Variants in COPS8 observed in about 807,000 individuals in gnomAD.
The protein encoded by COPS8 is COP9 signalosome complex subunit 8.
In COPS8, 11 loss-of-function variants were observed where a neutral mutation model predicts 31.5. That is an observed-to-expected ratio of 0.35 (90% CI 0.22 to 0.58). The LOEUF (loss-of-function observed/expected upper bound fraction) is 0.58. COPS8 is among the 20% of genes least tolerant of loss of function. The pLI, the probability that COPS8 is intolerant of heterozygous loss-of-function variation, is 0.83. For synonymous variants in COPS8, 81 were observed against 89.3 expected (o/e 0.91, Z 0.52); for missense variants, 215 against 255.1 (o/e 0.84, Z 1.07).
intron 5 of COPS8, among the ~76,000 whole-genome samples, chr2:237,094,825 G>T (rs2106346709): frequency 6.6e-6 from 1 of 152,220 alleles, no homozygotes; most frequent in Non-Finnish European, 1.5e-5. Context: ...AATTAGCCAG[G>T]TGTGGTGGCA....
chr2:237,086,755 T>G (rs1696623715), intron 1 of COPS8: 1 of 981,796 alleles, frequency 1.0e-6, no homozygotes, highest in Admixed American at 5.8e-5. Context: ...ATGGGCAGAA[T>G]CAGAATGCTT....
At position 237,092,531 on chromosome 2, in the gene COPS8, T is replaced by C. The variant is rs149957382; in HGVS notation, c.332-1559T>C. ...ACCAAATGAATATAGTTTTATGGTG[T>C]ATACTTTTACTTCTCTAAAAAAAAA... On this transcript the variant is annotated intron_variant, in intron 4 of 7. Coordinates refer to ENST00000354371, the MANE Select transcript of COPS8 (RefSeq NM_006710.5). Among the ~76,000 whole-genome samples, 479 of 152,208 alleles carry C rather than the reference T, an allele frequency of 3.1e-3. 4 individuals are homozygous for C. The highest frequency in any genetic ancestry group is 0.011 in the African/African-American group (462 of 41,480).
chr2:237,087,958 A>C (rs1368147187), intron 2 of COPS8, among the ~76,000 whole-genome samples: 3 of 152,036 alleles, frequency 2.0e-5, no homozygotes, highest in African/African-American at 7.2e-5. Context: ...ACTGCAAAAA[A>C]AAAAAAAAAA....
rs1370796413 is a variant in COPS8 at position 237,097,805 on chromosome 2, A to T, written c.*63A>T. ...TGTATACTGACAAACGTAGAAATGT[A>T]AAGTTTGTATTTTCAATTTATTGGA... On this transcript the variant is annotated 3_prime_UTR_variant, in exon 8 of 8. Coordinates refer to ENST00000354371, the MANE Select transcript of COPS8 (RefSeq NM_006710.5). 4.0e-6 allele frequency: 5 copies of T among 1,257,144 alleles called. No homozygotes were observed. The highest frequency in any genetic ancestry group is 5.8e-6 in the Non-Finnish European group (5 of 868,418). The allele number at this position is 1,257,144 out of a possible 1,614,324, so 77.9% of individuals were successfully genotyped here.
At chr2:237,090,123 A>G in intron 4 of COPS8, 129 bp downstream of exon 4, 1 of 838,428 alleles carries the variant, frequency 1.2e-6, no homozygotes, top group Non-Finnish European at 1.7e-6. Context: ...AGCAGTTTTC[A>G]GAATTTTTTA....
intron 3 of COPS8, among the ~76,000 whole-genome samples, chr2:237,089,347 C>T (rs1696669378): frequency 6.6e-6 from 1 of 151,936 alleles, no homozygotes; most frequent in Non-Finnish European, 1.5e-5. Flanking sequence ...TATTCCTCAG[C>T]TTCTTTGGCT....
intron 4 of COPS8, among the ~76,000 whole-genome samples, chr2:237,090,984 C>T (rs1409557475): frequency 1.3e-5 from 2 of 152,126 alleles, no homozygotes; most frequent in South Asian, 2.1e-4. Context: ...GAGGAATTAG[C>T]GTTATAGTGG....
chr2:237,086,198 C>T (rs2106343131), intron 1 of COPS8, among the ~76,000 whole-genome samples, 156 bp downstream of exon 1: 1 of 152,220 alleles, frequency 6.6e-6, no homozygotes, highest in Non-Finnish European at 1.5e-5. Flanking sequence ...CCGCCGCAAC[C>T]TGCTCCGACC....
At chr2:237,091,322 T>C (rs1696703131) in intron 4 of COPS8, among the ~76,000 whole-genome samples, 1 of 152,206 alleles carries the variant, frequency 6.6e-6, no homozygotes, top group Non-Finnish European at 1.5e-5. Context: ...CTTACTAGGG[T>C]GACTCCTCAG....
At chr2:237,095,980 C>G in intron 6 of COPS8, 96 bp downstream of exon 6, 1 of 829,466 alleles carries the variant, frequency 1.2e-6, no homozygotes, top group Non-Finnish European at 2.1e-6. Flanking sequence ...ATGTAAAATT[C>G]GGCTATACTA....
chr2:237,097,756 G>A lies in COPS8; in HGVS notation c.*14G>A, dbSNP rs1696831211. 1.9e-6 allele frequency: 3 copies of A among 1,585,710 alleles called. No homozygotes were observed. Among genetic ancestry groups the A allele is most frequent in the African/African-American group, 1.3e-5 (1 of 74,184 alleles). Reference sequence around the variant, plus strand: ...CTTGAAAACTGATTTATCACTCTGAGTTCAAGATTCATCTTCAGAATCCTG... The same window carrying A: ...CTTGAAAACTGATTTATCACTCTGAATTCAAGATTCATCTTCAGAATCCTG... On this transcript the variant is annotated 3_prime_UTR_variant, in exon 8 of 8. Coordinates refer to ENST00000354371, the MANE Select transcript of COPS8 (RefSeq NM_006710.5).
intron 1 of COPS8, 134 bp downstream of exon 1, chr2:237,086,176 G>A (rs763620229): frequency 3.6e-6 from 3 of 843,328 alleles, no homozygotes; most frequent in East Asian, 5.3e-5. Context: ...AGGTGGACGT[G>A]TGGATCCCTG....
At chr2:237,090,700 A>G (rs1419713203) in intron 4 of COPS8, among the ~76,000 whole-genome samples, 1 of 152,108 alleles carries the variant, frequency 6.6e-6, no homozygotes, top group Non-Finnish European at 1.5e-5. Context: ...ACTGTTCATC[A>G]CTCTGCTAAG....
intron 1 of COPS8, among the ~76,000 whole-genome samples, chr2:237,086,275 C>T (rs1490432050): frequency 6.6e-6 from 1 of 152,104 alleles, no homozygotes; most frequent in Non-Finnish European, 1.5e-5. Flanking sequence ...AGCCCGAAAA[C>T]CCTGTGCGTC....
intron 6 of COPS8, 56 bp downstream of exon 6, chr2:237,095,940 G>C: frequency 8.4e-7 from 1 of 1,196,728 alleles, no homozygotes. Flanking sequence ...GACTGCTTCA[G>C]GTTTTCAGTC....
At chr2:237,093,669 T>TGATTACAGGTGAAGG in intron 4 of COPS8, 1 of 984,838 alleles carries the variant, frequency 1.0e-6, no homozygotes, top group Non-Finnish European at 1.2e-6. Flanking sequence ...CCAGGTGTGG[T>TGATTACAGGTGAAGG]CCTGTATTAG....
At position 237,096,833 on chromosome 2, in the gene COPS8, C is replaced by G. The variant is rs34344319; in HGVS notation, c.514C>G (p.Leu172Val). 2.5e-6 allele frequency: 4 copies of G among 1,611,106 alleles called. No individual in the cohort carries two copies. In the East Asian group the frequency reaches 6.7e-5, roughly 27 times the overall value. Residue 172 changes from leucine to valine, a missense_variant, in exon 7 of 8, where the codon CTG (leucine) becomes GTG (valine). Transcript: ENST00000354371. ...VLPRKPVAGA[L>V]DVSFNKFIPL... ...TTTTTTGAATTTAGTTGCAGGGGCC[C>G]TGGATGTTTCCTTTAACAAGTTTAT...
chr2:237,089,896 G>A lies in COPS8; in HGVS notation c.233G>A (p.Gly78Glu). ...GAACTTGGGGGAATTTGGTCAGTAG[G>A]ACAAAGAATCTGGCAGAGAGATTTC... ...NSELGGIWSV[G>E]QRIWQRDFPG... Residue 78 changes from glycine to glutamate, a missense_variant, in exon 4 of 8, where the codon GGA becomes GAA. By Grantham distance (98) the Gly-to-Glu change is moderately conservative (BLOSUM62 -2). Transcript: ENST00000354371. The A allele has an allele frequency of 6.2e-7, 1 of 1,613,000 alleles. No homozygotes were observed. Among genetic ancestry groups the A allele is most frequent in the Non-Finnish European group, 8.5e-7 (1 of 1,179,932 alleles).
intron 3 of COPS8, 93 bp downstream of exon 3, chr2:237,088,746 C>G (rs1696660185): frequency 1.3e-6 from 1 of 750,950 alleles, no homozygotes; most frequent in Non-Finnish European, 2.2e-6. Flanking sequence ...TATCTGACGT[C>G]CTAGTAATAG....
Sources: allele counts gnomAD v4.1 joint callset (sites outside exome capture counted in the v4.1 genomes callset), GRCh38; gene constraint gnomAD v4.1.1; transcripts MANE v1.5; gene names NCBI Gene and HGNC (gene_info 2026-07-23, HGNC 2026-07-21).